Variants in TRMT1L observed in about 807,000 individuals in gnomAD.
The protein encoded by TRMT1L is tRNA methyltransferase 1L, also known as tRNA (guanine(27)-N(2))-dimethyltransferase.
In TRMT1L, 28 loss-of-function variants were observed where a neutral mutation model predicts 81.6. That is an observed-to-expected ratio of 0.34 (90% CI 0.25 to 0.47). TRMT1L has a LOEUF of 0.47. Ranked by LOEUF, TRMT1L falls within the 20% of genes least tolerant of loss-of-function variation. The pLI, the probability that TRMT1L is intolerant of heterozygous loss-of-function variation, is 1.00. For missense variants in TRMT1L, 739 were observed against 877.1 expected, an observed-to-expected ratio of 0.84 and a Z score of 1.99; for synonymous variants, 301 against 303.2, an observed-to-expected ratio of 0.99 and a Z score of 0.07.
rs548267120 is a variant in TRMT1L at position 185,145,574 on chromosome 1, A to C, written c.526-6T>G. On this transcript the variant is annotated splice_polypyrimidine_tract_variant and splice_region_variant and intron_variant, in intron 4 of 14. Coordinates refer to ENST00000367506, the MANE Select transcript of TRMT1L (RefSeq NM_030934.5). ...GCTCCCATTTTACTGGTTATCTATC[A>C]AACAGAGTATTTAATTTAAATAAGT... is the stretch of plus-strand genomic sequence containing the variant. The C allele has an allele frequency of 6.2e-7, 1 of 1,609,466 alleles. No individual in the cohort carries two copies. The highest frequency in any genetic ancestry group is 8.5e-7 in the Non-Finnish European group (1 of 1,177,180).
chr1:185,146,311 G>A (rs186827008), intron 4 of TRMT1L, among the ~76,000 whole-genome samples: 17 of 152,058 alleles, frequency 1.1e-4, no homozygotes, highest in Admixed American at 9.8e-4. Context: ...GTACTTATCC[G>A]AGTAAAAAAA....
intron 5 of TRMT1L, among the ~76,000 whole-genome samples, chr1:185,144,646 A>G (rs947580374): frequency 7.2e-6 from 1 of 139,680 alleles, no homozygotes; most frequent in Non-Finnish European, 1.5e-5. Flanking sequence ...ATTGATGTGT[A>G]TATATGTGCA....
In TRMT1L at chr1:185,123,565, T is replaced by G. The variant is rs12065261; in HGVS notation, c.1822+292A>C. 5.4e-3 allele frequency among the ~76,000 whole-genome samples: 827 copies of G among 152,212 alleles called. 5 individuals are homozygous for G. The highest frequency in any genetic ancestry group is 0.019 in the African/African-American group (770 of 41,578). On this transcript the variant is annotated intron_variant, in intron 13 of 14. Coordinates refer to ENST00000367506, the MANE Select transcript of TRMT1L (RefSeq NM_030934.5). ...ATAAAATTTTATCTTAACTATAAAA[T>G]TATATATAACTTTATCATATATAAT...
At chr1:185,122,225 A>G (rs1202194050) in intron 13 of TRMT1L, among the ~76,000 whole-genome samples, 1 of 152,142 alleles carries the variant, frequency 6.6e-6, no homozygotes, top group African/African-American at 2.4e-5. Context: ...GCTACTGTGA[A>G]TAGCACTGCA....
At chr1:185,153,656 C>CTG (rs1491394502) in intron 1 of TRMT1L, among the ~76,000 whole-genome samples, 1 of 151,944 alleles carries the variant, frequency 6.6e-6, no homozygotes, top group Non-Finnish European at 1.5e-5. Flanking sequence ...ATGAATCAGA[C>CTG]TGTAACTTGC....
intron 1 of TRMT1L, among the ~76,000 whole-genome samples, chr1:185,155,137 C>T (rs183077891): frequency 6.6e-6 from 1 of 152,104 alleles, no homozygotes; most frequent in African/African-American, 2.4e-5. Flanking sequence ...TATAGTATAC[C>T]TTCTTCAAAT....
intron 9 of TRMT1L, 144 bp from the exon 10 acceptor site, chr1:185,137,940 A>G (rs1557988528): frequency 5.8e-6 from 4 of 694,422 alleles, no homozygotes; most frequent in Non-Finnish European, 9.0e-6. Flanking sequence ...CAGTGCTTTT[A>G]AAAGATCATT....
At chr1:185,145,670 A>G (rs1490437160) in intron 4 of TRMT1L, 102 bp from the exon 5 acceptor site, 1 of 1,128,110 alleles carries the variant, frequency 8.9e-7, no homozygotes, top group Non-Finnish European at 1.2e-6. Context: ...TTAATGGTAT[A>G]GAAGATAATT....
At chr1:185,151,425 A>T in intron 2 of TRMT1L, among the ~76,000 whole-genome samples, 1 of 152,180 alleles carries the variant, frequency 6.6e-6, no homozygotes, top group Non-Finnish European at 1.5e-5. Flanking sequence ...AGTAGAGCAG[A>T]AAGAGAGCAG....
intron 13 of TRMT1L, among the ~76,000 whole-genome samples, chr1:185,122,244 A>G (rs771454344): frequency 1.3e-5 from 2 of 152,198 alleles, no homozygotes; most frequent in Non-Finnish European, 2.9e-5. Context: ...CAATGAACAT[A>G]TAACGTATCT....
chr1:185,141,154 T>A (rs374694254), intron 7 of TRMT1L, among the ~76,000 whole-genome samples: 1 of 152,140 alleles, frequency 6.6e-6, no homozygotes, highest in African/African-American at 2.4e-5. Flanking sequence ...AAACCCCTTA[T>A]GTACTGGAAA....
Position 185,128,685 on chromosome 1 carries a change from C to A in TRMT1L, c.1576G>T (p.Glu526Ter). The change falls in exon 11 of 15, where the codon GAA becomes TAA. Residue 526 changes from glutamate (E) to a stop codon, truncating the protein, a stop_gained. Transcript: ENST00000367506. LOFTEE classifies it high-confidence loss of function. ...HGSMPGKTAI[E>*]LGPLWSSSLF... is the part of the protein sequence containing the mutation. ...GTCACATACCACAGAGGTCCAAGTTCTATTGCTGTCTTTCCAGGCATGCTT... is the reference window on the plus strand; with the variant it reads ...GTCACATACCACAGAGGTCCAAGTTATATTGCTGTCTTTCCAGGCATGCTT... 1 of 1,612,358 alleles carries A rather than the reference C, an allele frequency of 6.2e-7. No homozygotes were observed. The highest frequency in any genetic ancestry group is 8.5e-7 in the Non-Finnish European group (1 of 1,179,348).
intron 2 of TRMT1L, among the ~76,000 whole-genome samples, chr1:185,151,530 C>T (rs538328741): frequency 6.6e-6 from 1 of 152,282 alleles, no homozygotes; most frequent in East Asian, 1.9e-4. Flanking sequence ...TCTTAAGACA[C>T]TGTTTTTTGG....
chr1:185,133,931 A>T (rs923239657), intron 10 of TRMT1L, among the ~76,000 whole-genome samples: 14 of 152,242 alleles, frequency 9.2e-5, no homozygotes, highest in Non-Finnish European at 1.8e-4. Context: ...AACAATATTT[A>T]TCTATTTATA....
chr1:185,132,896 G>A (rs1652808467), intron 10 of TRMT1L, among the ~76,000 whole-genome samples: 1 of 152,196 alleles, frequency 6.6e-6, no homozygotes, highest in South Asian at 2.1e-4. Context: ...CACAGGATCT[G>A]CGATAGGAGA....
chr1:185,151,972 T>C (rs1482300035), intron 1 of TRMT1L, 37 bp from the exon 2 acceptor site: 2 of 1,325,708 alleles, frequency 1.5e-6, no homozygotes, highest in South Asian at 1.3e-5. Flanking sequence ...GCTTTAACAG[T>C]TTGTATTCTA....
Position 185,137,476 on chromosome 1 carries a change from G to A in TRMT1L, c.1513+130C>T, listed in dbSNP as rs745464411. On this transcript the variant is annotated intron_variant, in intron 10 of 14. Coordinates refer to ENST00000367506, the MANE Select transcript of TRMT1L (RefSeq NM_030934.5). ...TTGTCTGTTGACGAAAGGAAATCCA[G>A]TATAGGAAATAACAAAGTTAGCACT... 1.9e-5 allele frequency: 18 copies of A among 934,584 alleles called. No individual in the cohort carries two copies. The Admixed American group carries it at 2.3e-4, about 12-fold the overall frequency. 57.9% of individuals were successfully genotyped at this position (934,584 alleles called of 1,614,324 possible).
At chr1:185,129,846 G>C (rs947545405) in intron 10 of TRMT1L, among the ~76,000 whole-genome samples, 15 of 151,338 alleles carry the variant, frequency 9.9e-5, no homozygotes, top group African/African-American at 3.4e-4. Context: ...CTGACGTAAA[G>C]TTTTGTTGAG....
chr1:185,141,576 C>T (rs1046437397), intron 7 of TRMT1L, among the ~76,000 whole-genome samples: 2 of 152,028 alleles, frequency 1.3e-5, no homozygotes, highest in Non-Finnish European at 1.5e-5. Flanking sequence ...TGGTGGTAGG[C>T]GCCTGTCATC....
Sources: gnomAD v4.1 joint callset for allele counts (sites outside exome capture counted in the v4.1 genomes callset) on GRCh38, gnomAD v4.1.1 for gene constraint, MANE v1.5 for transcripts, NCBI Gene and HGNC (gene_info 2026-07-23, HGNC 2026-07-21) for gene names.